Variants in DCTN4 observed in about 807,000 individuals in gnomAD.
DCTN4 encodes the protein dynactin 4 (p62).
A neutral mutation model predicts 62.7 loss-of-function variants in DCTN4; 23 were observed. The observed-to-expected ratio is 0.37, with a 90% CI of 0.26 to 0.52. DCTN4 has a LOEUF of 0.52. Among genes scored for constraint, DCTN4 ranks in the 20% least tolerant of loss-of-function variants. The probability of loss-of-function intolerance (pLI) is 0.92; values close to 1 mark genes in which losing one functional copy is unlikely to be tolerated. For missense variants in DCTN4, 514 were observed against 580.4 expected (o/e 0.89, Z 1.18); for synonymous variants, 199 against 202.1 (o/e 0.98, Z 0.13).
chr5:150,711,382 C>T lies in DCTN4; in HGVS notation c.1170-20G>A, dbSNP rs746872829. 4 of 1,599,848 alleles carry T rather than the reference C, an allele frequency of 2.5e-6. No homozygotes were observed. Among genetic ancestry groups the T allele is most frequent in the Non-Finnish European group, 2.6e-6 (3 of 1,169,280 alleles). On this transcript the variant is annotated intron_variant, in intron 12 of 12. Coordinates refer to ENST00000447998, the MANE Select transcript of DCTN4 (RefSeq NM_016221.4). The stretch of plus-strand genomic sequence containing the variant: ...ATAATGCTATGGAAAGAAAAAAAAG[C>T]AAGTATTAGGTAGATAAAAAAATCA...
chr5:150,737,285 T>C (rs906996737), intron 4 of DCTN4, among the ~76,000 whole-genome samples: 2 of 152,140 alleles, frequency 1.3e-5, no homozygotes, highest in African/African-American at 4.8e-5. Flanking sequence ...TATTTACAGA[T>C]CATTCTACCC....
chr5:150,756,495 G>GA lies in DCTN4; in HGVS notation c.136-9dup. On this transcript the variant is annotated splice_polypyrimidine_tract_variant and intron_variant, in intron 1 of 12. Coordinates refer to ENST00000447998, the MANE Select transcript of DCTN4 (RefSeq NM_016221.4). ...ACAATAATGGGAGTCCACCTAGGAG[G>GA]AAACAAGAAAGAAAAAAAAAACCAG... 6.4e-7 allele frequency: 1 copy of GA among 1,562,994 alleles called. No homozygotes were observed. Among genetic ancestry groups the GA allele is most frequent in the Admixed American group, 2.0e-5 (1 of 50,702 alleles).
intron 11 of DCTN4, among the ~76,000 whole-genome samples, chr5:150,716,471 CAGAGGT>C (rs1471627061): frequency 1.3e-4 from 20 of 152,276 alleles, no homozygotes; most frequent in African/African-American, 4.6e-4. Context: ...TTTGCTCTAT[CAGAGGT>C]TAACAGTTAA....
At chr5:150,735,956 T>G (rs903851510) in intron 4 of DCTN4, among the ~76,000 whole-genome samples, 1 of 147,244 alleles carries the variant, frequency 6.8e-6, no homozygotes, top group Non-Finnish European at 1.5e-5. Context: ...AAAAAAAATC[T>G]CCAGAGAAAG....
chr5:150,758,387 A>AG lies in DCTN4; in HGVS notation c.135+471dup, dbSNP rs574903916. On this transcript the variant is annotated intron_variant, in intron 1 of 12. Transcript: ENST00000447998. ...CCGGCTGCAGGCCTTGGCCTGAGTC[A>AG]GGAACAGGGCAAGGCAGTCTGACGA... 7.8e-4 allele frequency: 771 copies of AG among 987,528 alleles called. 2 individuals carry two copies. In the African/African-American group the frequency reaches 0.011, roughly 14 times the overall value. 61.2% of individuals were successfully genotyped at this position (987,528 alleles called of 1,614,324 possible). A position where few individuals can be genotyped will look rare whatever the true frequency, so the allele number is the denominator to read the frequency against.
At chr5:150,742,054 T>C in intron 4 of DCTN4, 60 bp downstream of exon 4, 1 of 1,443,622 alleles carries the variant, frequency 6.9e-7, no homozygotes, top group Non-Finnish European at 9.8e-7. Context: ...TGCAAGATCT[T>C]CAGTCTTTTA....
At chr5:150,750,941 A>T (rs1288340256) in intron 3 of DCTN4, among the ~76,000 whole-genome samples, 1 of 152,214 alleles carries the variant, frequency 6.6e-6, no homozygotes, top group Admixed American at 6.6e-5. Flanking sequence ...ACCTTGCTGA[A>T]GGTGACATTG....
intron 3 of DCTN4, among the ~76,000 whole-genome samples, chr5:150,751,280 G>T (rs12109861): frequency 0.23 from 35,510 of 151,970 alleles, 9,332 homozygotes; most frequent in African/African-American, 0.65. Flanking sequence ...TTATCTGTAC[G>T]CTTTAAGAGC....
At chr5:150,757,290 C>G (rs114615542) in intron 1 of DCTN4, among the ~76,000 whole-genome samples, 1 of 152,246 alleles carries the variant, frequency 6.6e-6, no homozygotes, top group African/African-American at 2.4e-5. Flanking sequence ...TGCTAACTAA[C>G]CTCTGCACTG....
At chr5:150,715,184 G>A (rs1421249921) in intron 12 of DCTN4, among the ~76,000 whole-genome samples, 2 of 152,034 alleles carry the variant, frequency 1.3e-5, no homozygotes, top group Admixed American at 6.5e-5. Flanking sequence ...GAACAAACCC[G>A]ATGATCAATC....
intron 2 of DCTN4, among the ~76,000 whole-genome samples, chr5:150,755,083 G>T (rs1321565360): frequency 6.6e-6 from 1 of 152,144 alleles, no homozygotes; most frequent in African/African-American, 2.4e-5. Flanking sequence ...AATGATGGGG[G>T]TATGTCAAAG....
rs1187727968 is a variant in DCTN4 at position 150,719,776 on chromosome 5, C to T, written c.909-6G>A. ...TCACTTCTGGAATATAATTGCTGTGCATAAATAAAAAAATGCATTAATGTT... is the reference window on the plus strand; with the variant it reads ...TCACTTCTGGAATATAATTGCTGTGTATAAATAAAAAAATGCATTAATGTT... On this transcript the variant is annotated splice_polypyrimidine_tract_variant and splice_region_variant and intron_variant, in intron 9 of 12. Transcript: ENST00000447998. The T allele has an allele frequency of 1.3e-6, 2 of 1,596,736 alleles. No homozygotes were observed. The highest frequency in any genetic ancestry group is 1.7e-6 in the Non-Finnish European group (2 of 1,167,994).
intron 11 of DCTN4, 123 bp downstream of exon 11, chr5:150,718,153 G>A: frequency 1.7e-6 from 1 of 602,786 alleles, no homozygotes; most frequent in Non-Finnish European, 2.9e-6. Context: ...TTTAGGAGGT[G>A]GAATCAAAAG....
intron 5 of DCTN4, chr5:150,731,698 G>A: frequency 1.5e-6 from 1 of 646,168 alleles, no homozygotes; most frequent in Non-Finnish European, 2.7e-6. Flanking sequence ...CATGGAGATT[G>A]AAACTATATT....
chr5:150,747,327 G>A (rs185326878), intron 3 of DCTN4, among the ~76,000 whole-genome samples: 1 of 152,154 alleles, frequency 6.6e-6, no homozygotes, highest in Non-Finnish European at 1.5e-5. Context: ...ATGCTCATGG[G>A]TAGGAAGAAT....
intron 8 of DCTN4, among the ~76,000 whole-genome samples, chr5:150,729,210 A>G (rs926633807): frequency 6.6e-6 from 1 of 151,710 alleles, no homozygotes; most frequent in Non-Finnish European, 1.5e-5. Flanking sequence ...TACCAATTCA[A>G]TGTTCCTTTG....
At chr5:150,730,464 G>A (rs1251808350) in intron 8 of DCTN4, among the ~76,000 whole-genome samples, 167 bp downstream of exon 8, 8 of 152,206 alleles carry the variant, frequency 5.3e-5, no homozygotes. Context: ...TGTAAGAGCT[G>A]TTTATATTGA....
chr5:150,746,295 A>AATTC (rs1760959959), intron 3 of DCTN4, among the ~76,000 whole-genome samples: 1 of 151,830 alleles, frequency 6.6e-6, no homozygotes, highest in African/African-American at 2.4e-5. Flanking sequence ...TTGAGGCAAT[A>AATTC]ATAGCTTACC....
At position 150,710,818 on chromosome 5, in the gene DCTN4, C is replaced by T. The variant is rs3733924; in HGVS notation, c.*331G>A. Reference sequence around the variant, plus strand: ...TCCTTAGTGAGATCAGATCAAGAGACAGTACAGAGTTTCTCAGGTGGTAAA... The same window carrying T: ...TCCTTAGTGAGATCAGATCAAGAGATAGTACAGAGTTTCTCAGGTGGTAAA... On this transcript the variant is annotated 3_prime_UTR_variant, in exon 13 of 13. Coordinates refer to ENST00000447998, the MANE Select transcript of DCTN4 (RefSeq NM_016221.4). The T allele has an allele frequency of 4.4e-3, 1,399 of 319,940 alleles. 55 individuals carry two copies. In the East Asian group the frequency reaches 0.08, roughly 18 times the overall value. 19.8% of individuals were successfully genotyped at this position (319,940 alleles called of 1,614,324 possible). A position where few individuals can be genotyped will look rare whatever the true frequency, so the allele number is the denominator to read the frequency against.
Sources: allele counts gnomAD v4.1 joint callset (sites outside exome capture counted in the v4.1 genomes callset), GRCh38; gene constraint gnomAD v4.1.1; transcripts MANE v1.5; gene names NCBI Gene and HGNC (gene_info 2026-07-23, HGNC 2026-07-21).